PPM1E: variants seen among roughly 807,000 people sequenced by gnomAD.
PPM1E encodes the protein protein phosphatase 1E.
Under a neutral mutation model 65.9 loss-of-function variants are expected in PPM1E, and 20 were observed. The observed-to-expected ratio is 0.30, with a 90% CI of 0.21 to 0.44. The LOEUF (loss-of-function observed/expected upper bound fraction) is 0.44, where lower values mean the gene tolerates loss of function less well. PPM1E is among the 20% of genes least tolerant of loss of function. PPM1E has a pLI of 1.00. For synonymous variants in PPM1E, 352 were observed against 374.9 expected, an observed-to-expected ratio of 0.94 and a Z score of 0.70; for missense variants, 713 against 953.1, an observed-to-expected ratio of 0.75 and a Z score of 3.32.
At chr17:58,832,452 A>T (rs567401508) in intron 1 of PPM1E, among the ~76,000 whole-genome samples, 1 of 152,264 alleles carries the variant, frequency 6.6e-6, no homozygotes, top group African/African-American at 2.4e-5. Flanking sequence ...TTAAAGAAAA[A>T]ATGTAAAGCT....
chr17:58,936,578 A>G (rs2051983855), intron 1 of PPM1E, among the ~76,000 whole-genome samples: 1 of 151,918 alleles, frequency 6.6e-6, no homozygotes, highest in African/African-American at 2.4e-5. Flanking sequence ...GTACTTTTAA[A>G]CCTCTAATTT....
intron 1 of PPM1E, among the ~76,000 whole-genome samples, chr17:58,847,016 A>G (rs367742384): frequency 7.9e-5 from 12 of 152,170 alleles, no homozygotes; most frequent in Admixed American, 7.9e-4. Flanking sequence ...TTCTCTGATG[A>G]CCAGTGATGT....
Position 58,980,094 on chromosome 17 carries a change from A to G in PPM1E, c.1331A>G (p.Asp444Gly). 6.2e-7 allele frequency: 1 copy of G among 1,614,126 alleles called. No individual in the cohort carries two copies. The highest frequency in any genetic ancestry group is 8.5e-7 in the Non-Finnish European group (1 of 1,180,008). ...GGCTTCTATGACACCGTGAACCCTG[A>G]TGAGGCAGTGAAAGTTGTGTCCGAC... Reference protein sequence around the residue: ...CDGFYDTVNPDEAVKVVSDHL... With the variant: ...CDGFYDTVNPGEAVKVVSDHL... The change falls in exon 7 of 7, where the codon GAT (aspartate) becomes GGT (glycine). Residue 444 changes from aspartate to glycine, a missense_variant. Asp to Gly is a moderately conservative substitution (Grantham distance 94, BLOSUM62 -1). Around this residue, in one of 6 missense-constraint regions of PPM1E, gnomAD observed 88 missense variants for 231.1 expected, o/e 0.38. Transcript: ENST00000308249. The surrounding 1 kb of genome is among the most constrained non-coding windows in gnomAD (Gnocchi z 4.7).
chr17:58,832,707 A>C (rs560928490), intron 1 of PPM1E, among the ~76,000 whole-genome samples: 2 of 152,230 alleles, frequency 1.3e-5, no homozygotes, highest in Admixed American at 1.3e-4. Context: ...TCCCCCAAAG[A>C]CATCTTATAT....
chr17:58,957,073 A>G (rs1386471833), intron 2 of PPM1E, among the ~76,000 whole-genome samples: 1 of 152,238 alleles, frequency 6.6e-6, no homozygotes, highest in African/African-American at 2.4e-5. Context: ...ACTGATGCAT[A>G]GAGTAAAAGC....
intron 1 of PPM1E, among the ~76,000 whole-genome samples, chr17:58,779,261 C>T (rs190416282): frequency 2.0e-5 from 3 of 150,956 alleles, no homozygotes; most frequent in East Asian, 1.9e-4. Flanking sequence ...CTGCAACCTC[C>T]GCTTCCTGGG....
At chr17:58,822,107 G>GA (rs1281955361) in intron 1 of PPM1E, among the ~76,000 whole-genome samples, 3 of 152,150 alleles carry the variant, frequency 2.0e-5, no homozygotes, top group African/African-American at 7.2e-5. Flanking sequence ...ATAGCCCAGA[G>GA]AGTGATGAGG....
chr17:58,805,803 C>T (rs536584494), intron 1 of PPM1E, among the ~76,000 whole-genome samples: 17 of 151,408 alleles, frequency 1.1e-4, no homozygotes, highest in South Asian at 6.2e-4. Context: ...TTCTGTAATA[C>T]GAAGAAAGCA....
intron 1 of PPM1E, among the ~76,000 whole-genome samples, chr17:58,842,113 A>T (rs958621916): frequency 6.6e-6 from 1 of 152,168 alleles, no homozygotes; most frequent in African/African-American, 2.4e-5. Flanking sequence ...AAGTACTGGG[A>T]CTACAGGCAT....
chr17:58,762,551 G>C (rs1320202907), intron 1 of PPM1E, among the ~76,000 whole-genome samples: 1 of 152,078 alleles, frequency 6.6e-6, no homozygotes, highest in Non-Finnish European at 1.5e-5. Flanking sequence ...AGAGCTTATA[G>C]TTCTCTCACG....
intron 1 of PPM1E, among the ~76,000 whole-genome samples, chr17:58,873,556 A>T (rs1050499610): frequency 4.1e-5 from 6 of 145,122 alleles, no homozygotes; most frequent in African/African-American, 1.5e-4. Flanking sequence ...ATGGAACAAA[A>T]TGCTCATAGT....
At chr17:58,882,492 A>G (rs2051207256) in intron 1 of PPM1E, among the ~76,000 whole-genome samples, 1 of 151,918 alleles carries the variant, frequency 6.6e-6, no homozygotes, top group African/African-American at 2.4e-5. Context: ...CTTGGTTCAA[A>G]CGATTCTTCT....
At chr17:58,765,183 T>C (rs1027606880) in intron 1 of PPM1E, among the ~76,000 whole-genome samples, 5 of 148,802 alleles carry the variant, frequency 3.4e-5, no homozygotes, top group Non-Finnish European at 7.5e-5. Context: ...TTCTTTCTTT[T>C]TTTTTTTTTT....
Position 58,980,616 on chromosome 17 carries a change from C to T in PPM1E, c.1853C>T (p.Pro618Leu). The T allele has an allele frequency of 6.2e-7, 1 of 1,614,126 alleles. No individual in the cohort carries two copies. The highest frequency in any genetic ancestry group is 8.5e-7 in the Non-Finnish European group (1 of 1,180,024). Reference protein sequence around the residue: ...MEKKSVQSSLPEWSGAGEFPT... With the variant: ...MEKKSVQSSLLEWSGAGEFPT... Reference sequence around the variant, plus strand: ...AAAAAATCAGTTCAGTCATCATTGCCTGAATGGAGTGGTGCTGGAGAGTTT... The same window carrying T: ...AAAAAATCAGTTCAGTCATCATTGCTTGAATGGAGTGGTGCTGGAGAGTTT... Residue 618 changes from proline (P) to leucine (L), a missense_variant, in exon 7 of 7, where the codon CCT becomes CTT. Physicochemically the swap from Pro to Leu is moderately conservative, Grantham distance 98. Around this residue, in one of 6 missense-constraint regions of PPM1E, gnomAD observed 286 missense variants for 313.8 expected, o/e 0.91. Coordinates refer to ENST00000308249, the MANE Select transcript of PPM1E (RefSeq NM_014906.5). The surrounding 1 kb of genome is among the most constrained non-coding windows in gnomAD (Gnocchi z 4.7).
intron 1 of PPM1E, among the ~76,000 whole-genome samples, chr17:58,783,919 C>G (rs2050072933): frequency 6.6e-6 from 1 of 151,578 alleles, no homozygotes; most frequent in South Asian, 2.1e-4. Context: ...ACATGCTGGC[C>G]AGGCTGGTCT....
At chr17:58,795,510 C>T (rs1314211267) in intron 1 of PPM1E, among the ~76,000 whole-genome samples, 2 of 151,906 alleles carry the variant, frequency 1.3e-5, no homozygotes, top group Non-Finnish European at 2.9e-5. Context: ...TGAGACCAGC[C>T]TGGGCAACAA....
chr17:58,845,906 C>T (rs2050766476), intron 1 of PPM1E, among the ~76,000 whole-genome samples: 1 of 152,206 alleles, frequency 6.6e-6, no homozygotes, highest in Admixed American at 6.5e-5. Context: ...GTCTCGAACT[C>T]CTGACCTCAG....
At chr17:58,789,711 CAT>C (rs923596843) in intron 1 of PPM1E, among the ~76,000 whole-genome samples, 1 of 144,890 alleles carries the variant, frequency 6.9e-6, no homozygotes, top group African/African-American at 2.6e-5. Flanking sequence ...ATCCTTTGCA[CAT>C]ATATATGGAT....
intron 1 of PPM1E, among the ~76,000 whole-genome samples, chr17:58,780,213 A>G (rs749800198): frequency 6.6e-6 from 1 of 152,244 alleles, no homozygotes; most frequent in Non-Finnish European, 1.5e-5. Context: ...CTCCAATAGT[A>G]TATATAAGAA....
Sources: allele counts gnomAD v4.1 joint callset (sites outside exome capture counted in the v4.1 genomes callset), GRCh38; gene constraint gnomAD v4.1.1; regional missense constraint gnomAD v4.1.1; non-coding constraint Gnocchi (gnomAD v3.1); transcripts MANE v1.5; gene names NCBI Gene and HGNC (gene_info 2026-07-23, HGNC 2026-07-21).